TLE2: variants seen among roughly 807,000 people sequenced by gnomAD.
TLE2 encodes the protein transducin-like enhancer protein 2.
A neutral mutation model predicts 97.2 loss-of-function variants in TLE2; 74 were observed. That is an observed-to-expected ratio of 0.76 (90% CI 0.63 to 0.92). The LOEUF is 0.92. Among genes scored for constraint, TLE2 ranks in the 40% least tolerant of loss-of-function variants. The probability of loss-of-function intolerance (pLI) is 0.00; values close to 1 mark genes in which losing one functional copy is unlikely to be tolerated. For synonymous variants in TLE2, 499 were observed against 432.1 expected, an observed-to-expected ratio of 1.15 and a Z score of -1.92; for missense variants, 1,038 against 1,008.7, an observed-to-expected ratio of 1.03 and a Z score of -0.39.
Position 3,009,699 on chromosome 19 carries a change from A to G in TLE2, c.1016T>C (p.Leu339Pro), listed in dbSNP as rs1421062008. The G allele has an allele frequency of 6.2e-6, 10 of 1,610,000 alleles. No homozygotes were observed. Among genetic ancestry groups the G allele is most frequent in the Non-Finnish European group, 8.5e-6 (10 of 1,178,464 alleles). The change falls in exon 13 of 20, where the codon CTG (leucine) becomes CCG (proline). Residue 339 changes from leucine (L) to proline (P), a missense_variant. Physicochemically the swap from Leu to Pro is moderately conservative, Grantham distance 98. Coordinates refer to ENST00000262953, the MANE Select transcript of TLE2 (RefSeq NM_003260.5). Reference protein sequence around the residue: ...KPAPSTDSVALRSPLTLSSPF... With the variant: ...KPAPSTDSVAPRSPLTLSSPF... ...ACTGGACAGAGTCAGGGGGCTCCTC[A>G]GGGCTGAGACGGAAGAGTCGGGGAC...
upstream of TLE2, among the ~76,000 whole-genome samples, chr19:3,031,616 C>T (rs947185455): frequency 6.6e-6 from 1 of 151,888 alleles, no homozygotes; most frequent in African/African-American, 2.4e-5. Context: ...AGGCATGAGC[C>T]ACTGCACCCG....
chr19:3,027,872 T>G lies in TLE2; in HGVS notation c.188A>C (p.Tyr63Ser). ...GTTGAGCCCGTACGACATCTCATAA[T>G]ACTGCAAAGGAAAAACCAAGTAAGA... ...KTEMQRHYVM[Y>S]YEMSYGLNIE... The change falls in exon 4 of 20, where the codon TAT becomes TCT. Residue 63 changes from tyrosine to serine, a missense_variant and splice_region_variant. Coordinates refer to ENST00000262953, the MANE Select transcript of TLE2 (RefSeq NM_003260.5). 1 of 1,610,542 alleles carries G rather than the reference T, an allele frequency of 6.2e-7. No individual in the cohort carries two copies. The highest frequency in any genetic ancestry group is 1.1e-5 in the South Asian group (1 of 89,892).
chr19:3,029,388 C>A (rs1360248496), upstream of TLE2, among the ~76,000 whole-genome samples: 1 of 147,370 alleles, frequency 6.8e-6, no homozygotes, highest in Non-Finnish European at 1.5e-5. Context: ...CCCGCGCCCC[C>A]CCCGGCCCCC....
intron 15 of TLE2, 75 bp from the exon 16 acceptor site, chr19:3,006,043 G>A (rs769462624): frequency 3.9e-6 from 6 of 1,540,214 alleles, no homozygotes; most frequent in Middle Eastern, 3.4e-4. Flanking sequence ...TCAACGTGGG[G>A]GTCTCTGGAG....
chr19:3,010,087 A>T (rs553783961), intron 12 of TLE2, among the ~76,000 whole-genome samples: 1 of 150,886 alleles, frequency 6.6e-6, no homozygotes, highest in East Asian at 2.0e-4. Context: ...AGGCCCACCG[A>T]GCACAGTGGC....
At chr19:3,007,665 T>C (rs1427957298) in intron 14 of TLE2, among the ~76,000 whole-genome samples, 1 of 152,188 alleles carries the variant, frequency 6.6e-6, no homozygotes, top group Admixed American at 6.5e-5. Flanking sequence ...AACAAGCACT[T>C]AATAAATGTT....
At chr19:2,998,660 G>A (rs1049001218) in intron 19 of TLE2, among the ~76,000 whole-genome samples, 19 of 152,204 alleles carry the variant, frequency 1.2e-4, no homozygotes, top group Non-Finnish European at 7.4e-5. Context: ...GCGATCCACC[G>A]CCTAGGCCTC....
At position 3,005,922 on chromosome 19, in the gene TLE2, C is replaced by T. The variant is rs761658838; in HGVS notation, c.1547G>A (p.Arg516Gln). 1.9e-6 allele frequency: 3 copies of T among 1,611,720 alleles called. No individual in the cohort carries two copies. Among genetic ancestry groups the T allele is most frequent in the Admixed American group, 1.7e-5 (1 of 59,938 alleles). The change falls in exon 16 of 20, where the codon CGG becomes CAG. Residue 516 changes from arginine to glutamine, a missense_variant. Physicochemically the swap from Arg to Gln is conservative, Grantham distance 43 (BLOSUM62 1). Transcript: ENST00000262953. ...IRSCKLLPDG[R>Q]SLIVGGEAST... ...GGCCTCACCGCCCACGATCAGACTC[C>T]GGCCATCCGGCAGCAACTTGCAGGA...
At chr19:3,040,962 T>G (rs769908089) in intron 1 of TLE2, among the ~76,000 whole-genome samples, 25 of 134,128 alleles carry the variant, frequency 1.9e-4, no homozygotes, top group Non-Finnish European at 3.4e-4. Context: ...AACCCCAGAG[T>G]GGCCCTTGAT....
At chr19:3,000,209 C>G (rs2089324595) in intron 19 of TLE2, among the ~76,000 whole-genome samples, 1 of 150,752 alleles carries the variant, frequency 6.6e-6, no homozygotes, top group African/African-American at 2.4e-5. Flanking sequence ...GTAGCTGGGA[C>G]TACAGGCGCC....
upstream of TLE2, chr19:3,029,572 T>TGCGGGGA (rs2090005740): frequency 2.1e-6 from 1 of 483,530 alleles, no homozygotes; most frequent in Non-Finnish European, 2.6e-6. Flanking sequence ...GGGGGGGGCT[T>TGCGGGGA]GCGGGGAGCG....
At chr19:3,005,667 T>C in intron 16 of TLE2, 54 bp downstream of exon 16, 1 of 1,606,942 alleles carries the variant, frequency 6.2e-7, no homozygotes. Flanking sequence ...CCACTCCCCC[T>C]GCACCGAGAG....
rs1197306360 is a variant in TLE2, at chr19:3,023,895, C to CAT, written c.294+1124_294+1125insAT. The stretch of plus-strand genomic sequence containing the variant: ...TAACAGAGCAAGAATCCATCACACA[C>CAT]ACACACACACACAAAAGAAAAGAAA... On this transcript the variant is annotated intron_variant, in intron 5 of 19. Transcript: ENST00000262953. Among the ~76,000 whole-genome samples the CAT allele has an allele frequency of 1.7e-3, 252 of 147,418 alleles. 1 individual carries two copies. The highest frequency in any genetic ancestry group is 6.1e-3 in the African/African-American group (242 of 39,830).
chr19:3,027,806 A>C, intron 4 of TLE2, 23 bp downstream of exon 4: 1 of 1,608,428 alleles, frequency 6.2e-7, no homozygotes, highest in Non-Finnish European at 8.5e-7. Context: ...CCTCCTGAAC[A>C]CGCGTAACCC....
At chr19:3,028,450 C>T in intron 2 of TLE2, 68 bp from the exon 3 acceptor site, 10 of 1,467,276 alleles carry the variant, frequency 6.8e-6, no homozygotes, top group Non-Finnish European at 9.2e-6. Context: ...AAGTGAGAGG[C>T]TGGATCTCCC....
At position 3,019,216 on chromosome 19, in the gene TLE2, C is replaced by G; in HGVS notation, c.550+67G>C. 1 of 1,530,174 alleles carries G rather than the reference C, an allele frequency of 6.5e-7. No homozygotes were observed. Among genetic ancestry groups the G allele is most frequent in the Non-Finnish European group, 8.7e-7 (1 of 1,143,586 alleles). The allele number at this position is 1,530,174 out of a possible 1,614,324, so 94.8% of individuals were successfully genotyped here. A position where few individuals can be genotyped will look rare whatever the true frequency, so the allele number is the denominator to read the frequency against. On this transcript the variant is annotated intron_variant, in intron 7 of 19. Transcript: ENST00000262953. This position sits in a 1 kb window ranked among gnomAD's most constrained non-coding sequence, Gnocchi z 5.1. ...TCCCCTCACGCTGATGTTTGCTACC[C>G]TGGACTGCCAGTCGTCCTCCCCAGC...
intron 5 of TLE2, 71 bp downstream of exon 5, chr19:3,024,949 G>T: frequency 7.2e-7 from 1 of 1,396,398 alleles, no homozygotes; most frequent in Non-Finnish European, 9.9e-7. Context: ...GGGCGTCCTC[G>T]CCCAGACCTA....
chr19:3,028,043 G>A (rs1171198258), intron 3 of TLE2, among the ~76,000 whole-genome samples, 170 bp from the exon 4 acceptor site: 1 of 152,070 alleles, frequency 6.6e-6, no homozygotes, highest in African/African-American at 2.4e-5. Context: ...GGCTCTGCCT[G>A]GAAGGGCCCC....
chr19:3,041,654 T>C (rs1376271325), intron 1 of TLE2, among the ~76,000 whole-genome samples: 1 of 152,236 alleles, frequency 6.6e-6, no homozygotes, highest in Non-Finnish European at 1.5e-5. Flanking sequence ...CTTGACCTAT[T>C]TTCCAAACCT....
Sources: allele counts gnomAD v4.1 joint callset (sites outside exome capture counted in the v4.1 genomes callset), GRCh38; gene constraint gnomAD v4.1.1; non-coding constraint Gnocchi (gnomAD v3.1); transcripts MANE v1.5; gene names NCBI Gene and HGNC (gene_info 2026-07-23, HGNC 2026-07-21).